TLCD3B: variants seen among roughly 807,000 people sequenced by gnomAD.
TLCD3B encodes ceramide synthase.
Under a neutral mutation model 23.0 loss-of-function variants are expected in TLCD3B, and 9 were observed. The ratio of observed to expected loss-of-function variants is 0.39; its 90% CI spans 0.24 to 0.68. TLCD3B has a LOEUF of 0.68. Among genes scored for constraint, TLCD3B ranks in the 30% least tolerant of loss-of-function variants. The probability of loss-of-function intolerance (pLI) is 0.44; values close to 1 mark genes in which losing one functional copy is unlikely to be tolerated. For missense variants in TLCD3B, 307 were observed against 371.8 expected (o/e 0.83, Z 1.43); for synonymous variants, 161 against 161.0 (o/e 1.00, Z 0.00).
At chr16:30,034,083 G>A (rs927685841), upstream of TLCD3B, among the ~76,000 whole-genome samples, 1 of 151,146 alleles carries the variant, frequency 6.6e-6, no homozygotes, top group African/African-American at 2.4e-5. Flanking sequence ...GACCAGCCTG[G>A]GCAACATGGA....
Position 30,024,948 on chromosome 16 carries a change from C to G in TLCD3B, c.*235G>C. 2.2e-6 allele frequency: 1 copy of G among 463,074 alleles called. No individual in the cohort carries two copies. The highest frequency in any genetic ancestry group is 3.8e-6 in the Non-Finnish European group (1 of 265,146). 28.7% of individuals were successfully genotyped at this position (463,074 alleles called of 1,614,324 possible). A position where few individuals can be genotyped will look rare whatever the true frequency, so the allele number is the denominator to read the frequency against. On this transcript the variant is annotated 3_prime_UTR_variant, in exon 5 of 5. Transcript: ENST00000380495. Reference sequence around the variant, plus strand: ...GCCCTCAGTGGGTGGGAGGCGGTGCCCCCTCCCCTCCTCCAGCGCAAGGGT... The same window carrying G: ...GCCCTCAGTGGGTGGGAGGCGGTGCGCCCTCCCCTCCTCCAGCGCAAGGGT...
intron 1 of TLCD3B, among the ~76,000 whole-genome samples, chr16:30,052,087 C>A (rs1458458747): frequency 2.0e-5 from 3 of 152,128 alleles, no homozygotes; most frequent in African/African-American, 7.2e-5. Flanking sequence ...GAAAAAAAGG[C>A]TGGGCACAGT....
At chr16:30,026,961 T>C (rs1335044538) in intron 2 of TLCD3B, 118 bp from the exon 3 acceptor site, 1 of 838,300 alleles carries the variant, frequency 1.2e-6, no homozygotes, top group African/African-American at 1.7e-5. Context: ...TGGGTACAGA[T>C]GAGGGATCCA....
intron 2 of TLCD3B, chr16:30,027,665 T>C (rs1207804838): frequency 6.6e-6 from 3 of 456,066 alleles, no homozygotes; most frequent in South Asian, 1.5e-5. Context: ...GAAAGTTCCA[T>C]GTACTTGGAG....
chr16:30,039,112 T>TAA lies in TLCD3B; in HGVS notation c.-67+1882_-67+1883insTT, dbSNP rs2071532721. ...TCCTCCTCCTTCCTCTCTTTTTTTT[T>TAA]TTTTTTTTTTTTTTTTTTTTTAGAT... is the stretch of plus-strand genomic sequence containing the variant. On this transcript the variant is annotated intron_variant, in intron 3 of 6. Coordinates refer to the TLCD3B transcript ENST00000561666. Among the ~76,000 whole-genome samples, 6 of 136,916 alleles carry TAA rather than the reference T, an allele frequency of 4.4e-5. 1 individual carries two copies. Among genetic ancestry groups the TAA allele is most frequent in the African/African-American group, 1.1e-4 (4 of 36,378 alleles). 89.8% of individuals were successfully genotyped at this position (136,916 alleles called of 152,430 possible).
intron 1 of TLCD3B, among the ~76,000 whole-genome samples, chr16:30,048,016 C>T (rs909203860): frequency 1.3e-5 from 2 of 151,816 alleles, no homozygotes; most frequent in African/African-American, 4.8e-5. Context: ...GTGGCGGGTG[C>T]CTGTAATCCC....
intron 2 of TLCD3B, among the ~76,000 whole-genome samples, chr16:30,043,846 G>A (rs1393550612): frequency 6.6e-6 from 1 of 151,506 alleles, no homozygotes; most frequent in Non-Finnish European, 1.5e-5. Context: ...CACCATGCAC[G>A]GCTAATTTTT....
chr16:30,045,035 G>C (rs2071638700), intron 2 of TLCD3B, among the ~76,000 whole-genome samples: 1 of 135,524 alleles, frequency 7.4e-6, no homozygotes, highest in Admixed American at 8.0e-5. Context: ...GGAGATTTCA[G>C]TGAGCCAAGA....
In TLCD3B at chr16:30,024,831, G is replaced by A. The variant is rs1426990887; in HGVS notation, c.*352C>T. ...GGAGCCCTGGGGGATGGCAGCATAGGGGCTGGGATGGCCTTGGCAGAGGCG... is the reference window on the plus strand; with the variant it reads ...GGAGCCCTGGGGGATGGCAGCATAGAGGCTGGGATGGCCTTGGCAGAGGCG... On this transcript the variant is annotated 3_prime_UTR_variant, in exon 5 of 5. Transcript: ENST00000380495. The A allele has an allele frequency of 4.0e-6, 1 of 252,468 alleles. No homozygotes were observed. The allele number at this position is 252,468 out of a possible 1,614,324, so 15.6% of individuals were successfully genotyped here. A position where few individuals can be genotyped will look rare whatever the true frequency, so the allele number is the denominator to read the frequency against.
chr16:30,042,532 G>A (rs2071594890), intron 2 of TLCD3B, among the ~76,000 whole-genome samples: 1 of 152,030 alleles, frequency 6.6e-6, no homozygotes, highest in Non-Finnish European at 1.5e-5. Flanking sequence ...CCTCTGATCC[G>A]CCTTTATACA....
intron 1 of TLCD3B, among the ~76,000 whole-genome samples, chr16:30,052,197 G>A (rs1293921175): frequency 4.0e-5 from 6 of 151,750 alleles, no homozygotes; most frequent in Admixed American, 2.0e-4. Context: ...GTGAAACCCC[G>A]TCTCTACTAA....
chr16:30,036,090 C>A (rs573257852), upstream of TLCD3B: 42 of 1,221,892 alleles, frequency 3.4e-5, no homozygotes, highest in South Asian at 5.2e-4. Flanking sequence ...CCACCATTTT[C>A]CATCTTCTGC....
rs2150973760 is a variant in TLCD3B at position 30,025,847 on chromosome 16, G to A, written c.445-26C>T. The A allele has an allele frequency of 3.8e-6, 6 of 1,588,702 alleles. No individual in the cohort carries two copies. The South Asian group carries it at 6.6e-5, about 18-fold the overall frequency. ...CTGGGCACAGAGGCAGGAAGGTGAGGAGCTGGGGCTCTCCCTGGGTTCTTG... is the reference window on the plus strand; with the variant it reads ...CTGGGCACAGAGGCAGGAAGGTGAGAAGCTGGGGCTCTCCCTGGGTTCTTG... On this transcript the variant is annotated intron_variant, in intron 3 of 4. Transcript: ENST00000380495. This position sits in a 1 kb window ranked among gnomAD's most constrained non-coding sequence, Gnocchi z 4.1.
At chr16:30,052,529 T>C (rs1400104446) in intron 1 of TLCD3B, among the ~76,000 whole-genome samples, 3 of 151,176 alleles carry the variant, frequency 2.0e-5, no homozygotes, top group Non-Finnish European at 4.4e-5. Context: ...AAACCCTGTC[T>C]CTACTAAAAA....
chr16:30,040,147 A>AAATAT lies in TLCD3B; in HGVS notation c.-67+847_-67+848insATATT. Among the ~76,000 whole-genome samples, 494 of 95,864 alleles carry AAATAT rather than the reference A, an allele frequency of 5.2e-3. 4 individuals are homozygous for AAATAT. Among genetic ancestry groups the AAATAT allele is most frequent in the Middle Eastern group, 0.019 (3 of 154 alleles). 62.9% of individuals were successfully genotyped at this position (95,864 alleles called of 152,430 possible). Reference sequence around the variant, plus strand: ...AGACTTTGTCTCAAAAAAAAAAAAAAATATATATATATATATATATATATG... The same window carrying AAATAT: ...AGACTTTGTCTCAAAAAAAAAAAAAAAATATATATATATATATATATATATATATG... On this transcript the variant is annotated intron_variant, in intron 3 of 6. Coordinates refer to the TLCD3B transcript ENST00000561666.
In TLCD3B at chr16:30,026,705, G is replaced by A. The variant is rs34362086; in HGVS notation, c.348C>T (p.Gly116=). 4,348 of 1,614,012 alleles carry A rather than the reference G, an allele frequency of 2.7e-3. 6 individuals carry two copies. Among genetic ancestry groups the A allele is most frequent in the Non-Finnish European group, 3.4e-3 (4,069 of 1,180,028 alleles). Residue 116 remains glycine, a synonymous_variant, in exon 3 of 5, where the codon GGC becomes GGT. Transcript: ENST00000380495. The part of the protein sequence containing the change: ...GGDDGAARAP[G]STWAIARGYL... ...AGCCACGCGCTATGGCCCACGTGCTGCCCGGGGCTCTGGCCGCTCCGTCGT... is the reference window on the plus strand; with the variant it reads ...AGCCACGCGCTATGGCCCACGTGCTACCCGGGGCTCTGGCCGCTCCGTCGT...
intron 1 of TLCD3B, among the ~76,000 whole-genome samples, chr16:30,051,521 CAAA>C (rs199594296): frequency 1.6e-5 from 1 of 62,842 alleles, no homozygotes; most frequent in Admixed American, 1.8e-4. Flanking sequence ...AACTCCGTTT[CAAA>C]AAAAAAAAAA....
intron 2 of TLCD3B, among the ~76,000 whole-genome samples, chr16:30,043,608 A>C (rs2071611959): frequency 6.7e-6 from 1 of 149,548 alleles, no homozygotes; most frequent in East Asian, 1.9e-4. Flanking sequence ...ATGCAGGTAG[A>C]AAGTGGCACA....
At chr16:30,044,277 C>A (rs1291507719) in intron 2 of TLCD3B, among the ~76,000 whole-genome samples, 1 of 151,076 alleles carries the variant, frequency 6.6e-6, no homozygotes, top group Admixed American at 6.6e-5. Context: ...GGATTACAGG[C>A]ATGAGCCACA....
Sources: gnomAD v4.1 joint callset for allele counts (sites outside exome capture counted in the v4.1 genomes callset) on GRCh38, gnomAD v4.1.1 for gene constraint, Gnocchi (gnomAD v3.1) non-coding constraint, MANE v1.5 for transcripts, NCBI Gene and HGNC (gene_info 2026-07-23, HGNC 2026-07-21) for gene names.